ZDHHC17: variants seen among roughly 807,000 people sequenced by gnomAD.
ZDHHC17 encodes the protein zDHHC palmitoyltransferase 17, also known as palmitoyltransferase ZDHHC17.
ZDHHC17 carries 40 observed loss-of-function variants against 90.3 expected under a neutral mutation model. The ratio of observed to expected loss-of-function variants is 0.44; its 90% CI spans 0.34 to 0.58. The LOEUF is 0.58. Ranked by LOEUF, ZDHHC17 falls within the 20% of genes least tolerant of loss-of-function variation. ZDHHC17 has a pLI of 0.01. For synonymous variants in ZDHHC17, 235 were observed against 252.4 expected, an observed-to-expected ratio of 0.93 and a Z score of 0.65; for missense variants, 614 against 780.8, an observed-to-expected ratio of 0.79 and a Z score of 2.55.
At chr12:76,796,373 T>C (rs1412756399) in intron 1 of ZDHHC17, among the ~76,000 whole-genome samples, 1 of 152,138 alleles carries the variant, frequency 6.6e-6, no homozygotes, top group African/African-American at 2.4e-5. Flanking sequence ...AAAGAAACAA[T>C]TGTATTTTAG....
chr12:76,813,603 A>G (rs1190959626), intron 5 of ZDHHC17, among the ~76,000 whole-genome samples: 3 of 152,048 alleles, frequency 2.0e-5, no homozygotes, highest in East Asian at 3.9e-4. Context: ...ATGCATAGAG[A>G]TAGTGTTTTA....
At chr12:76,774,185 G>C (rs1162327779) in intron 1 of ZDHHC17, among the ~76,000 whole-genome samples, 1 of 152,064 alleles carries the variant, frequency 6.6e-6, no homozygotes, top group Non-Finnish European at 1.5e-5. Context: ...AGGAGGTTGA[G>C]GCTGCAGTGA....
At chr12:76,809,323 A>G (rs1456850346) in intron 4 of ZDHHC17, among the ~76,000 whole-genome samples, 2 of 150,022 alleles carry the variant, frequency 1.3e-5, no homozygotes, top group African/African-American at 4.9e-5. Context: ...GGCCATGCTG[A>G]TATTAATTCA....
At chr12:76,850,758 A>T in intron 16 of ZDHHC17, 89 bp from the exon 17 acceptor site, 2 of 1,503,586 alleles carry the variant, frequency 1.3e-6, no homozygotes, top group Non-Finnish European at 1.8e-6. Flanking sequence ...TTTAGAAAAA[A>T]ATATATTTAA....
At position 76,764,318 on chromosome 12, in the gene ZDHHC17, C is replaced by T. The variant is rs371518666; in HGVS notation, c.82C>T (p.Leu28Phe). The T allele has an allele frequency of 6.2e-6, 10 of 1,601,124 alleles. No individual in the cohort carries two copies. The highest frequency in any genetic ancestry group is 1.3e-5 in the African/African-American group (1 of 74,752). ...TACCGAAGCGGGCTGTGTGCCCCTT[C>T]TCCACCCAGAGGTGAGGAACCGTGC... Reference protein sequence around the residue: ...YDTEAGCVPLLHPEEIKPQSH... With the variant: ...YDTEAGCVPLFHPEEIKPQSH... The change falls in exon 1 of 17, where the codon CTC becomes TTC. Residue 28 changes from leucine to phenylalanine, a missense_variant. Transcript: ENST00000426126.
At chr12:76,803,692 A>G (rs1340117747) in intron 2 of ZDHHC17, among the ~76,000 whole-genome samples, 1 of 152,206 alleles carries the variant, frequency 6.6e-6, no homozygotes, top group Non-Finnish European at 1.5e-5. Flanking sequence ...GAGAGATTTG[A>G]CAAATTCTTT....
At chr12:76,850,760 T>A in intron 16 of ZDHHC17, 87 bp from the exon 17 acceptor site, 1 of 1,505,260 alleles carries the variant, frequency 6.6e-7, no homozygotes, top group South Asian at 1.4e-5. Context: ...TAGAAAAAAA[T>A]ATATTTAACA....
chr12:76,804,821 A>G (rs770442434), intron 2 of ZDHHC17, among the ~76,000 whole-genome samples: 4 of 152,138 alleles, frequency 2.6e-5, no homozygotes, highest in Admixed American at 6.5e-5. Context: ...CAAGACTGCT[A>G]TTGAAAGTCT....
Position 76,848,482 on chromosome 12 carries a change from C to T in ZDHHC17, c.1665+92C>T, listed in dbSNP as rs74103324. On this transcript the variant is annotated intron_variant, in intron 15 of 16. Coordinates refer to ENST00000426126, the MANE Select transcript of ZDHHC17 (RefSeq NM_015336.4). ...TAATATATTCTCTTCCTAACCACTCCTGCTCTTCAAATATTCATTTTATTT... is the reference window on the plus strand; with the variant it reads ...TAATATATTCTCTTCCTAACCACTCTTGCTCTTCAAATATTCATTTTATTT... The T allele has an allele frequency of 1.0e-5, 13 of 1,274,256 alleles. No individual in the cohort carries two copies. In the African/African-American group the frequency reaches 2.0e-4, roughly 19 times the overall value. 78.9% of individuals were successfully genotyped at this position (1,274,256 alleles called of 1,614,324 possible).
In ZDHHC17 at chr12:76,764,187, C is replaced by T. The variant is rs1046400276; in HGVS notation, c.-50C>T. On this transcript the variant is annotated 5_prime_UTR_variant, in exon 1 of 17. Transcript: ENST00000426126. ...GCGGGGCTCGCGCTCGCCCCGCGCT[C>T]GCCCTCCGCCTCGCCCGAGCCCCGG... 1.4e-6 allele frequency: 2 copies of T among 1,440,524 alleles called. No individual in the cohort carries two copies. The highest frequency in any genetic ancestry group is 1.5e-5 in the African/African-American group (1 of 68,878). 89.2% of individuals were successfully genotyped at this position (1,440,524 alleles called of 1,614,324 possible). A position where few individuals can be genotyped will look rare whatever the true frequency, so the allele number is the denominator to read the frequency against.
At chr12:76,805,462 A>G in intron 3 of ZDHHC17, 23 bp downstream of exon 3, 2 of 1,465,002 alleles carry the variant, frequency 1.4e-6, no homozygotes, top group Non-Finnish European at 1.8e-6. Flanking sequence ...TCTATTTTTA[A>G]TTATTAGAAC....
intron 1 of ZDHHC17, among the ~76,000 whole-genome samples, chr12:76,789,410 A>C (rs1423040707): frequency 1.3e-5 from 2 of 152,218 alleles, no homozygotes; most frequent in African/African-American, 2.4e-5. Flanking sequence ...AGAAGAGGAA[A>C]GCCTAAAATA....
chr12:76,816,262 A>AC (rs34545672), intron 7 of ZDHHC17, among the ~76,000 whole-genome samples: 1 of 151,744 alleles, frequency 6.6e-6, no homozygotes, highest in Non-Finnish European at 1.5e-5. Context: ...TGATAGGAGG[A>AC]CCCCCACCCC....
intron 10 of ZDHHC17, among the ~76,000 whole-genome samples, chr12:76,834,659 A>G (rs1185477680): frequency 6.6e-6 from 1 of 152,116 alleles, no homozygotes; most frequent in Non-Finnish European, 1.5e-5. Context: ...TTTTCCCACA[A>G]GAGTTTCTCT....
At chr12:76,788,623 G>T (rs1952719964) in intron 1 of ZDHHC17, among the ~76,000 whole-genome samples, 1 of 142,592 alleles carries the variant, frequency 7.0e-6, no homozygotes, top group South Asian at 2.3e-4. Context: ...ATGACCAAAA[G>T]ATATGAACAG....
At chr12:76,802,636 C>T (rs1231975984) in intron 2 of ZDHHC17, among the ~76,000 whole-genome samples, 2 of 152,134 alleles carry the variant, frequency 1.3e-5, no homozygotes, top group South Asian at 2.1e-4. Flanking sequence ...TCTTTCTGCT[C>T]CTCACACTTG....
rs968887955 is a variant in ZDHHC17 at position 76,842,144 on chromosome 12, C to T, written c.1266+38C>T. 20 of 1,516,466 alleles carry T rather than the reference C, an allele frequency of 1.3e-5. No homozygotes were observed. In the African/African-American group the frequency reaches 2.8e-4, roughly 22 times the overall value. 93.9% of individuals were successfully genotyped at this position (1,516,466 alleles called of 1,614,324 possible). ...CAACTAAGTCACTTGTATTTAACTG[C>T]CAGATTATCAGTATTTACAGCAGAC... On this transcript the variant is annotated intron_variant, in intron 11 of 16. Coordinates refer to ENST00000426126, the MANE Select transcript of ZDHHC17 (RefSeq NM_015336.4).
intron 10 of ZDHHC17, among the ~76,000 whole-genome samples, chr12:76,830,555 G>A (rs1019007893): frequency 4.6e-5 from 7 of 152,068 alleles, no homozygotes; most frequent in African/African-American, 1.7e-4. Context: ...GATTTATTAA[G>A]CATTAGAATT....
chr12:76,848,435 T>G, intron 15 of ZDHHC17, 45 bp downstream of exon 15: 2 of 1,583,952 alleles, frequency 1.3e-6, no homozygotes, highest in Non-Finnish European at 1.7e-6. Flanking sequence ...TGAAAACTCT[T>G]CCATCCTTGC....
Sources: gnomAD v4.1 joint callset for allele counts (sites outside exome capture counted in the v4.1 genomes callset) on GRCh38, gnomAD v4.1.1 for gene constraint, MANE v1.5 for transcripts, NCBI Gene and HGNC (gene_info 2026-07-23, HGNC 2026-07-21) for gene names.